DOCK4: variants seen among roughly 807,000 people sequenced by gnomAD.
DOCK4 encodes the protein dedicator of cytokinesis 4.
DOCK4 carries 97 observed loss-of-function variants against 268.1 expected under a neutral mutation model. The ratio of observed to expected loss-of-function variants is 0.36; its 90% confidence interval spans 0.31 to 0.43. DOCK4 has a LOEUF of 0.43. Ranked by LOEUF, DOCK4 falls within the 20% of genes least tolerant of loss-of-function variation. The probability of loss-of-function intolerance (pLI) is 1.00; values close to 1 mark genes in which losing one functional copy is unlikely to be tolerated. For synonymous variants in DOCK4, 954 were observed against 887.2 expected (o/e 1.08, Z -1.34); for missense variants, 2,145 against 2,455.7 (o/e 0.87, Z 2.67).
intron 22 of DOCK4, among the ~76,000 whole-genome samples, chr7:111,866,079 G>A (rs1431664617): frequency 1.3e-5 from 2 of 152,204 alleles, no homozygotes. Flanking sequence ...CTATAGAACT[G>A]TGGGCTAATA....
intron 1 of DOCK4, among the ~76,000 whole-genome samples, chr7:112,009,414 A>G (rs1282980679): frequency 6.6e-6 from 1 of 152,204 alleles, no homozygotes; most frequent in Admixed American, 6.5e-5. Flanking sequence ...TCATGGCAAA[A>G]GGAAACTGTT....
chr7:112,108,855 C>A (rs776129266), intron 1 of DOCK4, among the ~76,000 whole-genome samples: 13 of 152,186 alleles, frequency 8.5e-5, no homozygotes, highest in Non-Finnish European at 1.5e-4. Flanking sequence ...AATCCTGCTT[C>A]TTAGGGGTAT....
At chr7:111,944,658 G>C (rs1468930744) in intron 10 of DOCK4, among the ~76,000 whole-genome samples, 153 bp downstream of exon 10, 7 of 152,122 alleles carry the variant, frequency 4.6e-5, no homozygotes. Flanking sequence ...GGAAGGTCTG[G>C]GGACAATTCA....
At chr7:112,111,839 T>A (rs1811683489) in intron 1 of DOCK4, among the ~76,000 whole-genome samples, 1 of 152,180 alleles carries the variant, frequency 6.6e-6, no homozygotes, top group Admixed American at 6.5e-5. Context: ...GTAGGCTACA[T>A]AAAATCCACA....
Position 111,868,070 on chromosome 7 carries a change from G to A in DOCK4, c.2194C>T (p.Arg732Cys), listed in dbSNP as rs778304723. 5.6e-6 allele frequency: 9 copies of A among 1,613,534 alleles called. No individual in the cohort carries two copies. Among genetic ancestry groups the A allele is most frequent in the East Asian group, 2.2e-5 (1 of 44,870 alleles). ...ATGGQNEEEF[R>C]CCIQELLMSV... Reference sequence around the variant, plus strand: ...ATGAGAAGCTCCTGAATGCAGCAGCGGAACTCCTCTTCGTTTTGCCCACCA... The same window carrying A: ...ATGAGAAGCTCCTGAATGCAGCAGCAGAACTCCTCTTCGTTTTGCCCACCA... Residue 732 changes from arginine to cysteine, a missense_variant, in exon 22 of 53, where the codon CGC becomes TGC. Arg to Cys is a radical substitution (Grantham distance 180). Around this residue, in one of 2 missense-constraint regions of DOCK4, gnomAD observed 1,598 missense variants for 1,986.7 expected, o/e 0.80. Coordinates refer to ENST00000428084, the MANE Select transcript of DOCK4 (RefSeq NM_001363540.2).
At chr7:112,178,392 GGA>G (rs1818706317) in intron 1 of DOCK4, among the ~76,000 whole-genome samples, 1 of 152,050 alleles carries the variant, frequency 6.6e-6, no homozygotes, top group African/African-American at 2.4e-5. Context: ...AGAGGAGTGG[GGA>G]GCTAAAAGAG....
At chr7:111,822,212 A>T in intron 27 of DOCK4, 150 bp downstream of exon 27, 1 of 614,250 alleles carries the variant, frequency 1.6e-6, no homozygotes, top group Non-Finnish European at 2.8e-6. Context: ...AGGAAATAGT[A>T]ATTCTAAACA....
At chr7:111,992,474 G>A (rs1356585462) in intron 5 of DOCK4, among the ~76,000 whole-genome samples, 2 of 152,104 alleles carry the variant, frequency 1.3e-5, no homozygotes, top group African/African-American at 4.8e-5. Flanking sequence ...CTTAATATTT[G>A]TTTCTAATGG....
intron 2 of DOCK4, among the ~76,000 whole-genome samples, chr7:112,001,054 C>T (rs576550235): frequency 2.6e-4 from 39 of 152,168 alleles, no homozygotes; most frequent in South Asian, 8.3e-4. Context: ...CTTAAGCCTA[C>T]GGTCTTGGGT....
intron 15 of DOCK4, among the ~76,000 whole-genome samples, chr7:111,898,513 C>G (rs1562860994): frequency 6.6e-6 from 1 of 152,206 alleles, no homozygotes; most frequent in Non-Finnish European, 1.5e-5. Context: ...TGTCTTTCCT[C>G]TCTGGAATGA....
At chr7:111,847,709 T>C (rs6950925) in intron 23 of DOCK4, among the ~76,000 whole-genome samples, 2,090 of 152,316 alleles carry the variant, frequency 0.014, 53 homozygotes, top group African/African-American at 0.047. Flanking sequence ...TCTGCCACCA[T>C]GTAAGATGTG....
intron 12 of DOCK4, among the ~76,000 whole-genome samples, chr7:111,932,765 T>G (rs1373145872): frequency 6.6e-6 from 1 of 152,156 alleles, no homozygotes; most frequent in Non-Finnish European, 1.5e-5. Context: ...TTCTTTACAA[T>G]TACAGCACAT....
intron 36 of DOCK4, among the ~76,000 whole-genome samples, chr7:111,770,264 G>C (rs534299001): frequency 1.3e-5 from 2 of 151,852 alleles, no homozygotes; most frequent in Admixed American, 1.3e-4. Flanking sequence ...TCTAATAACA[G>C]GGTAGGGATT....
intron 25 of DOCK4, among the ~76,000 whole-genome samples, chr7:111,844,509 T>G (rs924385421): frequency 5.9e-5 from 9 of 152,230 alleles, no homozygotes; most frequent in Non-Finnish European, 1.0e-4. Context: ...TTGGGTTAAT[T>G]TAAACCGGGC....
chr7:111,876,428 T>C (rs1263220476), intron 17 of DOCK4, among the ~76,000 whole-genome samples: 1 of 152,182 alleles, frequency 6.6e-6, no homozygotes, highest in Non-Finnish European at 1.5e-5. Flanking sequence ...TATAAAGTGA[T>C]TCTTCTCAAC....
chr7:112,134,424 A>T (rs546608556), intron 1 of DOCK4, among the ~76,000 whole-genome samples: 4 of 152,248 alleles, frequency 2.6e-5, no homozygotes, highest in Non-Finnish European at 5.9e-5. Context: ...TAACTCTAAA[A>T]GTGTAAACTT....
chr7:112,093,415 TG>T (rs1809817146), intron 1 of DOCK4, among the ~76,000 whole-genome samples: 1 of 152,030 alleles, frequency 6.6e-6, no homozygotes, highest in South Asian at 2.1e-4. Context: ...TACCTAATAT[TG>T]TGACGACATT....
intron 16 of DOCK4, 55 bp downstream of exon 16, chr7:111,895,557 G>A (rs1023546100): frequency 1.4e-6 from 2 of 1,384,416 alleles, no homozygotes; most frequent in Non-Finnish European, 2.1e-6. Context: ...AGATAGTGAG[G>A]TGTTATTTCA....
chr7:111,956,464 T>C (rs1485476079), intron 8 of DOCK4, among the ~76,000 whole-genome samples: 2 of 152,152 alleles, frequency 1.3e-5, no homozygotes, highest in East Asian at 1.9e-4. Context: ...AAATAAAAAC[T>C]TGGGACCCCC....
Sources: allele counts gnomAD v4.1 joint callset (sites outside exome capture counted in the v4.1 genomes callset), GRCh38; gene constraint gnomAD v4.1.1; regional missense constraint gnomAD v4.1.1; transcripts MANE v1.5; gene names NCBI Gene and HGNC (gene_info 2026-07-23, HGNC 2026-07-21).